CSMD1: variants seen among roughly 807,000 people sequenced by gnomAD.
The protein encoded by CSMD1 is CUB and Sushi multiple domains 1.
A neutral mutation model predicts 417.5 loss-of-function variants in CSMD1; 213 were observed. The observed-to-expected ratio is 0.51, with a 90% CI of 0.46 to 0.57. The LOEUF (loss-of-function observed/expected upper bound fraction) is 0.57, where lower values mean the gene tolerates loss of function less well. Among genes scored for constraint, CSMD1 ranks in the 20% least tolerant of loss-of-function variants. The probability of loss-of-function intolerance (pLI) is 0.00; values close to 1 mark genes in which losing one functional copy is unlikely to be tolerated. For missense variants in CSMD1, 6,923 were observed against 4,529.7 expected (o/e 1.53, Z -15.17); for synonymous variants, 2,862 against 1,736.8 (o/e 1.65, Z -16.11).
chr8:3,447,578 G>C (rs1002893095), intron 12 of CSMD1, among the ~76,000 whole-genome samples: 5 of 152,204 alleles, frequency 3.3e-5, no homozygotes, highest in African/African-American at 1.2e-4. Context: ...GACAGGAAGG[G>C]TCAGAGGTTC....
At chr8:3,714,239 C>T (rs987164836) in intron 6 of CSMD1, among the ~76,000 whole-genome samples, 12 of 150,546 alleles carry the variant, frequency 8.0e-5, no homozygotes, top group African/African-American at 2.9e-4. Context: ...CAATGTCAGA[C>T]ATACTATTGT....
rs375728083 is a variant in CSMD1, at chr8:4,147,278, A to G, written c.416-115179T>C. Among the ~76,000 whole-genome samples, 51 of 152,202 alleles carry G rather than the reference A, an allele frequency of 3.4e-4. No homozygotes were observed. In the East Asian group the frequency reaches 7.0e-3, roughly 21 times the overall value. ...TTCAGCGGCTCCTCCTCACCTGCGTAATTCCATACAAAGTTCCCAGCGGGG... is the reference window on the plus strand; with the variant it reads ...TTCAGCGGCTCCTCCTCACCTGCGTGATTCCATACAAAGTTCCCAGCGGGG... On this transcript the variant is annotated intron_variant, in intron 3 of 69. Coordinates refer to ENST00000635120, the MANE Select transcript of CSMD1 (RefSeq NM_033225.6).
intron 30 of CSMD1, among the ~76,000 whole-genome samples, chr8:3,208,698 ACC>A (rs1407415647): frequency 1.3e-5 from 2 of 152,128 alleles, no homozygotes; most frequent in Non-Finnish European, 2.9e-5. Context: ...GGGAAGGCAG[ACC>A]CACCCTTAAT....
intron 1 of CSMD1, among the ~76,000 whole-genome samples, chr8:4,759,345 A>G (rs1811874233): frequency 6.6e-6 from 1 of 152,224 alleles, no homozygotes; most frequent in African/African-American, 2.4e-5. Context: ...AGCAATGCCA[A>G]TAAAGGGCAG....
chr8:4,238,897 T>C (rs1802224665), intron 3 of CSMD1, among the ~76,000 whole-genome samples: 1 of 152,124 alleles, frequency 6.6e-6, no homozygotes, highest in Non-Finnish European at 1.5e-5. Context: ...CTTTTTTGAG[T>C]TTCTAGGTTA....
At chr8:3,237,640 C>CTACAAA (rs1799232472) in intron 26 of CSMD1, among the ~76,000 whole-genome samples, 2 of 128,016 alleles carry the variant, frequency 1.6e-5, no homozygotes, top group African/African-American at 5.5e-5. Flanking sequence ...TATACTTATA[C>CTACAAA]TATAATTTTT....
chr8:4,223,526 C>G (rs958899133), intron 3 of CSMD1, among the ~76,000 whole-genome samples: 2 of 152,242 alleles, frequency 1.3e-5, no homozygotes, highest in African/African-American at 2.4e-5. Context: ...CACACCACTG[C>G]TCGTTAATAA....
chr8:3,099,742 A>G (rs1392021768), intron 46 of CSMD1, among the ~76,000 whole-genome samples: 1 of 152,180 alleles, frequency 6.6e-6, no homozygotes, highest in Non-Finnish European at 1.5e-5. Flanking sequence ...CATTTTAAGC[A>G]TAGCCATTCT....
chr8:4,063,127 T>G (rs1036672216), intron 3 of CSMD1, among the ~76,000 whole-genome samples: 6 of 152,162 alleles, frequency 3.9e-5, no homozygotes, highest in Admixed American at 1.3e-4. Flanking sequence ...AATAATTTAT[T>G]GTGTATTTCA....
rs945607411 is a variant in CSMD1, at chr8:3,958,336, T to C, written c.818+39567A>G. ...AAACTCTCTCTTTTTTTTTTTTTTT[T>C]CCAACTTGCTCTTTGAACATTAACT... On this transcript the variant is annotated intron_variant, in intron 5 of 69. Transcript: ENST00000635120. Among the ~76,000 whole-genome samples, 147 of 149,998 alleles carry C rather than the reference T, an allele frequency of 9.8e-4. 1 individual carries two copies. The highest frequency in any genetic ancestry group is 7.0e-4 in the Non-Finnish European group (47 of 67,552).
At chr8:4,573,064 C>T (rs976260278) in intron 2 of CSMD1, among the ~76,000 whole-genome samples, 12 of 152,072 alleles carry the variant, frequency 7.9e-5, no homozygotes, top group East Asian at 3.9e-4. Flanking sequence ...GGTTAGAAAA[C>T]GCTCCTTTAG....
intron 23 of CSMD1, among the ~76,000 whole-genome samples, chr8:3,320,994 C>T (rs144431027): frequency 2.3e-4 from 35 of 152,258 alleles, no homozygotes; most frequent in African/African-American, 7.5e-4. Flanking sequence ...GCCGTGAGTT[C>T]CATCTCTTCC....
chr8:3,755,196 G>T (rs935880556), intron 5 of CSMD1, among the ~76,000 whole-genome samples: 4 of 149,752 alleles, frequency 2.7e-5, no homozygotes, highest in African/African-American at 9.7e-5. Flanking sequence ...AGCATCACTG[G>T]ATTAGGATGC....
At chr8:3,893,523 A>G (rs1242803203) in intron 5 of CSMD1, among the ~76,000 whole-genome samples, 2 of 151,722 alleles carry the variant, frequency 1.3e-5, no homozygotes, top group Non-Finnish European at 2.9e-5. Flanking sequence ...TACAAATTAA[A>G]TTTATAAATA....
rs557722962 is a variant in CSMD1, at chr8:3,741,982, T to G, written c.931+11948A>C. On this transcript the variant is annotated intron_variant, in intron 6 of 69. Transcript: ENST00000635120. ...CCACTTTTTCCAAAGAATCTTGGTT[T>G]TTTTTTTTTTTAACCCTGCAAATTG... Among the ~76,000 whole-genome samples, 792 of 151,236 alleles carry G rather than the reference T, an allele frequency of 5.2e-3. 8 individuals are homozygous for G. Among genetic ancestry groups the G allele is most frequent in the African/African-American group, 0.018 (759 of 41,282 alleles).
chr8:4,938,782 G>A (rs1041232794), intron 1 of CSMD1, among the ~76,000 whole-genome samples: 1 of 152,308 alleles, frequency 6.6e-6, no homozygotes, highest in Non-Finnish European at 1.5e-5. Context: ...AAGAAGTGCA[G>A]GGGAATGCTT....
intron 3 of CSMD1, among the ~76,000 whole-genome samples, chr8:4,156,092 T>C (rs550800427): frequency 1.1e-3 from 169 of 152,280 alleles, no homozygotes; most frequent in African/African-American, 4.0e-3. Context: ...GCTGGAGTTA[T>C]CAGAGCATAA....
chr8:3,534,857 T>C (rs1182087362), intron 10 of CSMD1, among the ~76,000 whole-genome samples: 1 of 152,230 alleles, frequency 6.6e-6, no homozygotes, highest in African/African-American at 2.4e-5. Context: ...TGCCTAGATG[T>C]ATTCATCAAC....
chr8:4,718,663 T>A (rs1344703987), intron 1 of CSMD1, among the ~76,000 whole-genome samples: 1 of 152,066 alleles, frequency 6.6e-6, no homozygotes, highest in Non-Finnish European at 1.5e-5. Flanking sequence ...TTTTAAAAAA[T>A]CTATTTTAAA....
Sources: allele counts gnomAD v4.1 joint callset (sites outside exome capture counted in the v4.1 genomes callset), GRCh38; gene constraint gnomAD v4.1.1; transcripts MANE v1.5; gene names NCBI Gene and HGNC (gene_info 2026-07-23, HGNC 2026-07-21).